SMC4: variants seen among roughly 807,000 people sequenced by gnomAD.
The protein encoded by SMC4 is structural maintenance of chromosomes protein 4.
A neutral mutation model predicts 145.6 loss-of-function variants in SMC4; 87 were observed. The ratio of observed to expected loss-of-function variants is 0.60; its 90% CI spans 0.50 to 0.71. The LOEUF is 0.71. Among genes scored for constraint, SMC4 ranks in the 30% least tolerant of loss-of-function variants. The pLI, the probability that SMC4 is intolerant of heterozygous loss-of-function variation, is 0.00. For synonymous variants in SMC4, 558 were observed against 500.7 expected (o/e 1.11, Z -1.53); for missense variants, 1,447 against 1,537.1 (o/e 0.94, Z 0.98).
chr3:160,417,207 A>G (rs191835059), intron 10 of SMC4, among the ~76,000 whole-genome samples: 178 of 152,298 alleles, frequency 1.2e-3, no homozygotes, highest in African/African-American at 4.2e-3. Flanking sequence ...TTCTAATGTC[A>G]AACTATAAAA....
chr3:160,427,580 A>G (rs1484997762), intron 17 of SMC4, among the ~76,000 whole-genome samples: 2 of 152,222 alleles, frequency 1.3e-5, no homozygotes, highest in Admixed American at 6.5e-5. Context: ...TCCTTATTTG[A>G]AAAGGAATCC....
At chr3:160,418,058 T>G (rs765739466) in intron 11 of SMC4, 102 bp downstream of exon 11, 57 of 894,124 alleles carry the variant, frequency 6.4e-5, no homozygotes, top group Non-Finnish European at 4.8e-5. Context: ...AGTGATAAAT[T>G]TTCTTCATTT....
rs534719328 is a variant in SMC4, at chr3:160,430,664, A to G, written c.2861A>G (p.Glu954Gly). The change falls in exon 19 of 24, where the codon GAG becomes GGG. Residue 954 changes from glutamate to glycine, a missense_variant. Physicochemically the swap from Glu to Gly is moderately conservative, Grantham distance 98. Transcript: ENST00000357388. ...TEKEIKDTEKEVDDLTAELKS... is the reference protein window; with the variant it reads ...TEKEIKDTEKGVDDLTAELKS... The stretch of plus-strand genomic sequence containing the variant: ...AAAGAAATAAAAGATACTGAGAAAG[A>G]GGTGGATGACCTAACAGCAGAGCTG... 4.3e-6 allele frequency: 7 copies of G among 1,613,724 alleles called. No individual in the cohort carries two copies. In the East Asian group the frequency reaches 1.6e-4, roughly 36 times the overall value.
chr3:160,426,326 G>C, intron 17 of SMC4, 126 bp downstream of exon 17: 1 of 740,706 alleles, frequency 1.4e-6, no homozygotes, highest in Non-Finnish European at 2.3e-6. Context: ...CTATTTTATG[G>C]TGTTTGTTAT....
At chr3:160,432,171 C>T in intron 21 of SMC4, 112 bp from the exon 22 acceptor site, 1 of 844,752 alleles carries the variant, frequency 1.2e-6, no homozygotes, top group Non-Finnish European at 1.8e-6. Flanking sequence ...CATTGCACTC[C>T]AGCCTGGGCG....
Position 160,426,062 on chromosome 3 carries a change from AC to A in SMC4, c.2479-11del, listed in dbSNP as rs765072674. The A allele has an allele frequency of 1.9e-6, 3 of 1,568,594 alleles. No homozygotes were observed. Among genetic ancestry groups the A allele is most frequent in the Non-Finnish European group, 2.6e-6 (3 of 1,161,094 alleles). ...TAAAATATTGACCTTAAATGTTAAA[AC>A]TTTTTTGTAGCGTTTAATAGAGCAA... On this transcript the variant is annotated splice_polypyrimidine_tract_variant and intron_variant, in intron 16 of 23. Coordinates refer to ENST00000357388, the MANE Select transcript of SMC4 (RefSeq NM_001002800.3).
At chr3:160,406,798 T>A (rs1027310202) in intron 5 of SMC4, among the ~76,000 whole-genome samples, 1 of 152,338 alleles carries the variant, frequency 6.6e-6, no homozygotes, top group South Asian at 2.1e-4. Flanking sequence ...ATTAAAAATT[T>A]CATTAATTGG....
At chr3:160,423,722 G>T in intron 14 of SMC4, 39 bp from the exon 15 acceptor site, 2 of 1,604,142 alleles carry the variant, frequency 1.2e-6, no homozygotes, top group Non-Finnish European at 1.7e-6. Context: ...ATCTTGTTGG[G>T]GAGACATCTG....
chr3:160,411,903 A>G lies in SMC4; in HGVS notation c.688-17A>G, dbSNP rs887753074. 2.5e-6 allele frequency: 4 copies of G among 1,608,706 alleles called. No individual in the cohort carries two copies. In the African/African-American group the frequency reaches 4.0e-5, roughly 16 times the overall value. On this transcript the variant is annotated splice_polypyrimidine_tract_variant and intron_variant, in intron 5 of 23. Coordinates refer to ENST00000357388, the MANE Select transcript of SMC4 (RefSeq NM_001002800.3). ...TAAACATACACAGTGAGTATGAAAT[A>G]TAACTTTTTTTTAAAGGGTGAAGTT...
At chr3:160,400,736 C>T (rs1241303573) in intron 1 of SMC4, 86 bp from the exon 2 acceptor site, 1 of 1,381,006 alleles carries the variant, frequency 7.2e-7, no homozygotes, top group Non-Finnish European at 9.3e-7. Context: ...CTCTCGGAAG[C>T]CGGTGGACCG....
intron 5 of SMC4, among the ~76,000 whole-genome samples, chr3:160,405,030 T>C (rs556548670): frequency 1.3e-5 from 2 of 152,218 alleles, no homozygotes; most frequent in South Asian, 2.1e-4. Context: ...TGTAACACTT[T>C]GGATGGTTAA....
Position 160,431,201 on chromosome 3 carries a change from AAG to A in SMC4, c.3113_3114del (p.Glu1038AspfsTer12). ...AATTCTAAAATAAAATATTGGCACAAAGAGGTGAGATTGTTACCGTTTAGTTT... is the reference window on the plus strand; with the variant it reads ...AATTCTAAAATAAAATATTGGCACAAAGGTGAGATTGTTACCGTTTAGTTT... On this transcript the variant is annotated frameshift_variant and splice_region_variant, in exon 20 of 24. Transcript: ENST00000357388. LOFTEE classifies it high-confidence loss of function. 1 of 1,578,612 alleles carries A rather than the reference AAG, an allele frequency of 6.3e-7. No homozygotes were observed. Among genetic ancestry groups the A allele is most frequent in the African/African-American group, 1.4e-5 (1 of 72,632 alleles).
intron 4 of SMC4, among the ~76,000 whole-genome samples, chr3:160,403,769 T>C (rs1714984701): frequency 6.6e-6 from 1 of 152,106 alleles, no homozygotes; most frequent in Non-Finnish European, 1.5e-5. Flanking sequence ...AGGGAAAGTG[T>C]TAAAGTAGAT....
At chr3:160,431,581 T>C in intron 20 of SMC4, 62 bp from the exon 21 acceptor site, 3 of 1,225,402 alleles carry the variant, frequency 2.4e-6, no homozygotes, top group Non-Finnish European at 3.4e-6. Flanking sequence ...TATTTTTTTT[T>C]AAACAATGAA....
At chr3:160,427,672 G>A (rs1352509942) in intron 17 of SMC4, among the ~76,000 whole-genome samples, 1 of 152,100 alleles carries the variant, frequency 6.6e-6, no homozygotes, top group Admixed American at 6.5e-5. Flanking sequence ...CTCATGTGGA[G>A]GACCCATTTG....
intron 12 of SMC4, 32 bp downstream of exon 12, chr3:160,419,575 CTTT>C: frequency 7.6e-7 from 1 of 1,317,798 alleles, no homozygotes; most frequent in Non-Finnish European, 1.0e-6. Context: ...CATGGCTTTA[CTTT>C]TTTTTTTTAA....
chr3:160,406,554 G>A (rs989696049), intron 5 of SMC4, among the ~76,000 whole-genome samples: 16 of 152,202 alleles, frequency 1.1e-4, no homozygotes, highest in East Asian at 1.9e-4. Context: ...ATTGGAAACA[G>A]CATCGTAGTA....
In SMC4 at chr3:160,416,352, AAAATT is replaced by A. The variant is rs1371099989; in HGVS notation, c.1378_1382del (p.Leu460GlyfsTer5). ...AGAAGGAAAAAGAGAAAGAAGAAAAAAAATTAAAGGAAGTTATGGATAGCCTTAAA... is the reference window on the plus strand; with the variant it reads ...AGAAGGAAAAAGAGAAAGAAGAAAAAAAAGGAAGTTATGGATAGCCTTAAA... On this transcript the variant is annotated frameshift_variant, in exon 10 of 24. Coordinates refer to ENST00000357388, the MANE Select transcript of SMC4 (RefSeq NM_001002800.3). LOFTEE classifies it high-confidence loss of function. 1.2e-6 allele frequency: 2 copies of A among 1,605,214 alleles called. No individual in the cohort carries two copies. The highest frequency in any genetic ancestry group is 1.1e-5 in the South Asian group (1 of 89,384).
intron 3 of SMC4, among the ~76,000 whole-genome samples, 180 bp downstream of exon 3, chr3:160,402,273 A>G (rs1414521824): frequency 6.6e-6 from 1 of 152,100 alleles, no homozygotes; most frequent in Admixed American, 6.6e-5. Flanking sequence ...TGATTTTAAC[A>G]CTGAAATTAT....
Sources: allele counts gnomAD v4.1 joint callset (sites outside exome capture counted in the v4.1 genomes callset), GRCh38; gene constraint gnomAD v4.1.1; transcripts MANE v1.5; gene names NCBI Gene and HGNC (gene_info 2026-07-23, HGNC 2026-07-21).